The following GPC6 variants were observed in gnomAD, a reference collection of about 807,000 sequenced individuals.
GPC6 encodes glypican 6.
A neutral mutation model predicts 55.2 loss-of-function variants in GPC6; 14 were observed. The ratio of observed to expected loss-of-function variants is 0.25; its 90% CI spans 0.17 to 0.40. GPC6 has a LOEUF of 0.40. Ranked by LOEUF, GPC6 falls within the 10% of genes least tolerant of loss-of-function variation. The pLI is 1.00. For missense variants in GPC6, 641 were observed against 708.5 expected (o/e 0.90, Z 1.08); for synonymous variants, 278 against 259.6 (o/e 1.07, Z -0.68).
chr13:93,844,170 C>G (rs975036793), intron 3 of GPC6, among the ~76,000 whole-genome samples: 3 of 151,998 alleles, frequency 2.0e-5, no homozygotes, highest in African/African-American at 7.2e-5. Flanking sequence ...GACAGAGTCT[C>G]GCTCTGTCAC....
intron 1 of GPC6, among the ~76,000 whole-genome samples, chr13:93,461,206 AC>A (rs1447212114): frequency 2.0e-5 from 3 of 152,170 alleles, no homozygotes; most frequent in African/African-American, 7.2e-5. Flanking sequence ...CAGCTTAATA[AC>A]TAGCAGAAAC....
chr13:93,395,214 G>T, intron 1 of GPC6: 1 of 352,450 alleles, frequency 2.8e-6, no homozygotes, highest in South Asian at 3.2e-5. Flanking sequence ...TTTCTTCCAT[G>T]ATCAAAGTTG....
intron 2 of GPC6, among the ~76,000 whole-genome samples, chr13:93,580,098 T>C (rs11070062): frequency 0.065 from 9,865 of 152,224 alleles, 1,030 homozygotes; most frequent in African/African-American, 0.22. Context: ...TCTCTCACAA[T>C]TCAGGAGGCT....
chr13:94,041,252 C>G (rs1883521586), intron 4 of GPC6, among the ~76,000 whole-genome samples: 1 of 151,808 alleles, frequency 6.6e-6, no homozygotes, highest in South Asian at 2.1e-4. Flanking sequence ...ATTATTCCAT[C>G]TGAAACCTCT....
At chr13:93,743,180 C>A (rs1048821262) in intron 2 of GPC6, among the ~76,000 whole-genome samples, 4 of 152,004 alleles carry the variant, frequency 2.6e-5, no homozygotes. Flanking sequence ...TCTGTGCTGG[C>A]AAATATAGAA....
intron 5 of GPC6, among the ~76,000 whole-genome samples, chr13:94,303,747 G>A (rs1875786467): frequency 1.5e-5 from 2 of 134,744 alleles, no homozygotes; most frequent in Admixed American, 8.1e-5. Flanking sequence ...CCTATGTTCT[G>A]TAATAATTAA....
At chr13:94,237,597 G>A (rs1012884266) in intron 4 of GPC6, among the ~76,000 whole-genome samples, 1 of 152,150 alleles carries the variant, frequency 6.6e-6, no homozygotes, top group African/African-American at 2.4e-5. Context: ...GAGACGAAGA[G>A]CATTTGCCCT....
intron 6 of GPC6, among the ~76,000 whole-genome samples, chr13:94,330,767 C>G (rs1877368522): frequency 6.6e-6 from 1 of 152,030 alleles, no homozygotes; most frequent in Admixed American, 6.6e-5. Flanking sequence ...CCTGTGTAAT[C>G]TCAAAAAGGT....
chr13:94,194,235 T>C (rs1363061268), intron 4 of GPC6, among the ~76,000 whole-genome samples: 3 of 152,226 alleles, frequency 2.0e-5, no homozygotes, highest in African/African-American at 4.8e-5. Context: ...GATATATAGT[T>C]AAATTTGAAT....
intron 1 of GPC6, among the ~76,000 whole-genome samples, chr13:93,528,375 TG>T (rs1881732228): frequency 6.6e-6 from 1 of 152,152 alleles, no homozygotes. Flanking sequence ...AATTTATAGA[TG>T]GTAGTTGGTT....
At chr13:94,073,929 A>G (rs768959592) in intron 4 of GPC6, among the ~76,000 whole-genome samples, 43 of 152,346 alleles carry the variant, frequency 2.8e-4, no homozygotes, top group Middle Eastern at 3.4e-3. Flanking sequence ...CACTTGGGAA[A>G]TGGCACTATT....
chr13:93,503,777 A>G (rs1880608810), intron 1 of GPC6, among the ~76,000 whole-genome samples: 1 of 152,170 alleles, frequency 6.6e-6, no homozygotes, highest in Non-Finnish European at 1.5e-5. Context: ...AGAAAAGTGA[A>G]TGCTAATAAC....
At chr13:93,453,544 T>A (rs1294571171) in intron 1 of GPC6, among the ~76,000 whole-genome samples, 1 of 87,560 alleles carries the variant, frequency 1.1e-5, no homozygotes, top group Non-Finnish European at 2.8e-5. Context: ...CCGCGGACCC[T>A]CGCAGTGAGT....
chr13:94,310,708 T>C (rs1876200736), intron 6 of GPC6, among the ~76,000 whole-genome samples: 2 of 152,064 alleles, frequency 1.3e-5, no homozygotes, highest in Admixed American at 6.5e-5. Flanking sequence ...CCAACTTGTT[T>C]AGTCATTTCC....
At chr13:93,695,927 T>C (rs78256452) in intron 2 of GPC6, among the ~76,000 whole-genome samples, 1 of 152,154 alleles carries the variant, frequency 6.6e-6, no homozygotes, top group East Asian at 1.9e-4. Flanking sequence ...TAATGAATTC[T>C]TATCTAATTA....
At chr13:93,370,996 T>C (rs1874619284) in intron 1 of GPC6, among the ~76,000 whole-genome samples, 1 of 152,128 alleles carries the variant, frequency 6.6e-6, no homozygotes, top group South Asian at 2.1e-4. Context: ...TTTGTGGAAA[T>C]AAACAAGTTA....
At chr13:93,615,530 T>C (rs142323778) in intron 2 of GPC6, among the ~76,000 whole-genome samples, 1 of 152,286 alleles carries the variant, frequency 6.6e-6, no homozygotes, top group African/African-American at 2.4e-5. Context: ...CAGTTGTTAA[T>C]GGGCTATTTG....
intron 2 of GPC6, among the ~76,000 whole-genome samples, chr13:93,580,461 T>C (rs1278011542): frequency 2.0e-5 from 3 of 152,250 alleles, no homozygotes; most frequent in Admixed American, 2.0e-4. Flanking sequence ...GACTACATTA[T>C]ACACATAGCA....
Position 94,185,706 on chromosome 13 carries a change from T to G in GPC6, c.878-100643T>G, listed in dbSNP as rs9561509. Among the ~76,000 whole-genome samples, 8 of 152,256 alleles carry G rather than the reference T, an allele frequency of 5.3e-5. No individual in the cohort carries two copies. In the East Asian group the frequency reaches 1.5e-3, roughly 29 times the overall value. ...TGAGAATCTCTTGTGTTTGGAAACA[T>G]AACTTGGTCATCTTGGCATCCCCAG... is the stretch of plus-strand genomic sequence containing the variant. On this transcript the variant is annotated intron_variant, in intron 4 of 8. Transcript: ENST00000377047.
Sources: gnomAD v4.1 joint callset for allele counts (sites outside exome capture counted in the v4.1 genomes callset) on GRCh38, gnomAD v4.1.1 for gene constraint, MANE v1.5 for transcripts, NCBI Gene and HGNC (gene_info 2026-07-23, HGNC 2026-07-21) for gene names.